Variants in NHSL1 observed in about 807,000 individuals in gnomAD.
NHSL1 encodes the protein NHS-like protein 1.
NHSL1 carries 48 observed loss-of-function variants against 95.0 expected under a neutral mutation model. That is an observed-to-expected ratio of 0.51 (90% CI 0.40 to 0.64). NHSL1 has a LOEUF of 0.64. NHSL1 is among the 30% of genes least tolerant of loss of function. The pLI, the probability that NHSL1 is intolerant of heterozygous loss-of-function variation, is 0.00. For synonymous variants in NHSL1, 783 were observed against 833.9 expected, an observed-to-expected ratio of 0.94 and a Z score of 1.05; for missense variants, 1,971 against 2,077.7, an observed-to-expected ratio of 0.95 and a Z score of 1.00.
intron 1 of NHSL1, among the ~76,000 whole-genome samples, chr6:138,562,373 G>A (rs1450943417): frequency 6.6e-6 from 1 of 152,174 alleles, no homozygotes; most frequent in East Asian, 1.9e-4. Context: ...ATGGCCAGGT[G>A]TGATCGCTCA....
At chr6:138,435,050 A>T (rs562396360) in intron 5 of NHSL1, among the ~76,000 whole-genome samples, 1 of 152,302 alleles carries the variant, frequency 6.6e-6, no homozygotes, top group Non-Finnish European at 1.5e-5. Flanking sequence ...TCACTCACTG[A>T]AGACAGATAG....
intron 2 of NHSL1, among the ~76,000 whole-genome samples, chr6:138,475,467 A>T (rs1779012179): frequency 6.6e-6 from 1 of 152,056 alleles, no homozygotes; most frequent in Admixed American, 6.5e-5. Flanking sequence ...GACTCAAGCG[A>T]TCCTTCCACC....
At chr6:138,587,350 A>C in intron 1 of NHSL1, among the ~76,000 whole-genome samples, 1 of 149,782 alleles carries the variant, frequency 6.7e-6, no homozygotes, top group South Asian at 2.2e-4. Context: ...GGGAAGCTGA[A>C]GTGGGTGGAT....
At chr6:138,634,728 T>C (rs1482126780) in intron 1 of NHSL1, among the ~76,000 whole-genome samples, 7 of 151,882 alleles carry the variant, frequency 4.6e-5, no homozygotes, top group African/African-American at 1.5e-4. Flanking sequence ...TTGCATCCAA[T>C]GGCTGCAGAA....
chr6:138,476,623 T>TA (rs1165586565), intron 2 of NHSL1, among the ~76,000 whole-genome samples: 1 of 151,990 alleles, frequency 6.6e-6, no homozygotes, highest in East Asian at 1.9e-4. Context: ...GGTCAGGAGT[T>TA]AGAGACCAGC....
chr6:138,560,824 C>G lies in NHSL1; in HGVS notation c.202+10886G>C, dbSNP rs147768720. On this transcript the variant is annotated intron_variant, in intron 1 of 6. Coordinates refer to the NHSL1 transcript ENST00000427025. ...GAAGGCAATCCAGAAACACCAGATA[C>G]CCAGTTTCTGCTTTAGCTGAGGCGT... Among the ~76,000 whole-genome samples, 1,076 of 152,300 alleles carry G rather than the reference C, an allele frequency of 7.1e-3. 10 individuals are homozygous for G. Among genetic ancestry groups the G allele is most frequent in the African/African-American group, 0.025 (1,022 of 41,548 alleles).
chr6:138,462,075 A>G (rs1252858749), intron 3 of NHSL1, among the ~76,000 whole-genome samples: 1 of 152,202 alleles, frequency 6.6e-6, no homozygotes, highest in East Asian at 1.9e-4. Flanking sequence ...TGATGAAAAG[A>G]TATGACCCCT....
intron 1 of NHSL1, among the ~76,000 whole-genome samples, chr6:138,551,013 G>A (rs918725925): frequency 1.1e-4 from 17 of 152,146 alleles, no homozygotes; most frequent in African/African-American, 3.4e-4. Context: ...CTGGTCAACT[G>A]AGGTCCAAAA....
intron 1 of NHSL1, chr6:138,571,689 AT>A: frequency 6.5e-7 from 1 of 1,548,388 alleles, no homozygotes; most frequent in Non-Finnish European, 8.7e-7. Flanking sequence ...AAATGTTTAA[AT>A]TTTTTAAAAA....
intron 1 of NHSL1, among the ~76,000 whole-genome samples, chr6:138,587,570 A>G (rs1312595073): frequency 6.6e-6 from 1 of 152,030 alleles, no homozygotes; most frequent in Non-Finnish European, 1.5e-5. Flanking sequence ...ACCTTTAAGA[A>G]CTACTGATCT....
intron 1 of NHSL1, among the ~76,000 whole-genome samples, chr6:138,636,122 CAAAA>C (rs199791161): frequency 1.1e-5 from 1 of 89,690 alleles, no homozygotes. Context: ...GACTCTGTCT[CAAAA>C]AAAAAAAAAA....
intron 1 of NHSL1, among the ~76,000 whole-genome samples, chr6:138,564,801 G>C (rs1342352616): frequency 6.6e-6 from 1 of 152,144 alleles, no homozygotes; most frequent in Non-Finnish European, 1.5e-5. Context: ...ATAGAGACAA[G>C]AGCCATCAGC....
At chr6:138,607,273 A>G (rs1485602269) in intron 1 of NHSL1, among the ~76,000 whole-genome samples, 3 of 152,210 alleles carry the variant, frequency 2.0e-5, no homozygotes, top group African/African-American at 7.2e-5. Context: ...AAGATGATTC[A>G]GTCAGTCTCC....
At chr6:138,599,929 G>A (rs1001141674) in intron 1 of NHSL1, among the ~76,000 whole-genome samples, 1 of 152,094 alleles carries the variant, frequency 6.6e-6, no homozygotes, top group African/African-American at 2.4e-5. Flanking sequence ...ATCACCTGAG[G>A]TCAGGAGTTC....
intron 1 of NHSL1, among the ~76,000 whole-genome samples, chr6:138,686,831 G>A (rs561990234): frequency 6.6e-6 from 1 of 152,248 alleles, no homozygotes; most frequent in African/African-American, 2.4e-5. Context: ...TAAACATACT[G>A]GAGACTCTGG....
At chr6:138,488,394 T>C (rs1779847833) in intron 2 of NHSL1, among the ~76,000 whole-genome samples, 1 of 152,238 alleles carries the variant, frequency 6.6e-6, no homozygotes, top group Admixed American at 6.5e-5. Context: ...TAAACTCAGC[T>C]GCAAGTGCTA....
At chr6:138,554,474 C>T (rs781781084) in intron 1 of NHSL1, among the ~76,000 whole-genome samples, 2 of 152,162 alleles carry the variant, frequency 1.3e-5, no homozygotes, top group Admixed American at 6.5e-5. Flanking sequence ...CCAGGCGGAC[C>T]ACAGTTCTGC....
intron 1 of NHSL1, among the ~76,000 whole-genome samples, chr6:138,586,208 C>T (rs999632783): frequency 4.0e-5 from 6 of 151,796 alleles, no homozygotes; most frequent in African/African-American, 1.5e-4. Context: ...GATTCTCCTG[C>T]CTCATCCTCC....
chr6:138,490,800 A>G (rs1056861996), intron 2 of NHSL1, among the ~76,000 whole-genome samples: 65 of 152,026 alleles, frequency 4.3e-4, no homozygotes, highest in African/African-American at 1.5e-3. Flanking sequence ...CACCCGGCTA[A>G]TTTTTGTATT....
Sources: allele counts gnomAD v4.1 joint callset (sites outside exome capture counted in the v4.1 genomes callset), GRCh38; gene constraint gnomAD v4.1.1; transcripts MANE v1.5; gene names NCBI Gene and HGNC (gene_info 2026-07-23, HGNC 2026-07-21).